MCU: variants seen among roughly 807,000 people sequenced by gnomAD.
The protein encoded by MCU is calcium uniporter protein, mitochondrial.
MCU carries 12 observed loss-of-function variants against 45.2 expected under a neutral mutation model. The observed-to-expected ratio is 0.27, with a 90% confidence interval of 0.17 to 0.43. The LOEUF is 0.43. Ranked by LOEUF, MCU falls within the 20% of genes least tolerant of loss-of-function variation. The pLI is 1.00. For missense variants in MCU, 324 were observed against 436.7 expected, an observed-to-expected ratio of 0.74 and a Z score of 2.30; for synonymous variants, 160 against 165.1, an observed-to-expected ratio of 0.97 and a Z score of 0.24.
chr10:72,873,354 G>A (rs1845575372), intron 6 of MCU, among the ~76,000 whole-genome samples: 1 of 152,122 alleles, frequency 6.6e-6, no homozygotes, highest in Non-Finnish European at 1.5e-5. Flanking sequence ...CTGATGATTA[G>A]TGACTCTGAG....
intron 1 of MCU, among the ~76,000 whole-genome samples, chr10:72,827,972 A>G (rs1461513034): frequency 3.3e-5 from 5 of 152,188 alleles, no homozygotes; most frequent in African/African-American, 4.8e-5. Flanking sequence ...TGATGCTTCA[A>G]CAACTTTACT....
intron 1 of MCU, among the ~76,000 whole-genome samples, chr10:72,824,977 G>GA (rs1253044440): frequency 2.0e-5 from 3 of 152,090 alleles, no homozygotes; most frequent in Non-Finnish European, 4.4e-5. Flanking sequence ...GCTTACCTGA[G>GA]AAAAAAGTTA....
At chr10:72,713,441 G>A (rs535767588) in intron 1 of MCU, among the ~76,000 whole-genome samples, 9 of 152,152 alleles carry the variant, frequency 5.9e-5, no homozygotes, top group East Asian at 3.9e-4. Flanking sequence ...CACCAGGCCC[G>A]GCTAGTTTTA....
rs563483263 is a variant in MCU at position 72,817,545 on chromosome 10, C to T, written c.151-16814C>T. Among the ~76,000 whole-genome samples the T allele has an allele frequency of 1.2e-3, 188 of 152,272 alleles. 1 individual carries two copies. The highest frequency in any genetic ancestry group is 4.4e-3 in the African/African-American group (181 of 41,550). ...TAAGATGACAGTTATTAAGTGGTTACTATAAATGAGCATTAATTAATGCAC... is the reference window on the plus strand; with the variant it reads ...TAAGATGACAGTTATTAAGTGGTTATTATAAATGAGCATTAATTAATGCAC... On this transcript the variant is annotated intron_variant, in intron 1 of 7. Transcript: ENST00000373053.
chr10:72,692,607 G>C lies in MCU; in HGVS notation c.150+306G>C, dbSNP rs979331341. The C allele has an allele frequency of 3.6e-6, 4 of 1,099,158 alleles. No individual in the cohort carries two copies. The East Asian group carries it at 2.4e-4, about 66-fold the overall frequency. The allele number at this position is 1,099,158 out of a possible 1,614,324, so 68.1% of individuals were successfully genotyped here. A position where few individuals can be genotyped will look rare whatever the true frequency, so the allele number is the denominator to read the frequency against. ...CTCTCCCCGACTCGCCCCCAATCGC[G>C]TTCCCTCCCTTCTTCGTTCTTAACA... On this transcript the variant is annotated intron_variant, in intron 1 of 7. Coordinates refer to ENST00000373053, the MANE Select transcript of MCU (RefSeq NM_138357.3).
intron 4 of MCU, among the ~76,000 whole-genome samples, chr10:72,862,133 CA>C (rs1845387206): frequency 1.3e-5 from 2 of 152,140 alleles, no homozygotes; most frequent in East Asian, 3.9e-4. Context: ...AGGTGCCCGC[CA>C]CCACGCCTGG....
chr10:72,762,828 TC>T (rs1564549723), intron 1 of MCU, among the ~76,000 whole-genome samples: 1 of 152,130 alleles, frequency 6.6e-6, no homozygotes, highest in Non-Finnish European at 1.5e-5. Flanking sequence ...GTTTTTTTTT[TC>T]CTGCAGTAAT....
At chr10:72,765,202 G>A (rs1284693525) in intron 1 of MCU, among the ~76,000 whole-genome samples, 1 of 151,966 alleles carries the variant, frequency 6.6e-6, no homozygotes, top group African/African-American at 2.4e-5. Context: ...TGATAGCATA[G>A]TGCAGTTAAT....
In MCU at chr10:72,887,081, A is replaced by G. The variant is rs1845786339; in HGVS notation, c.*1259A>G. On this transcript the variant is annotated 3_prime_UTR_variant, in exon 8 of 8. Transcript: ENST00000373053. ...AGAGTCAAAGGAATCTGTGTCTAAT[A>G]TCCTGTTTTTAACTGCTGTAGGGGC... 6.6e-6 allele frequency: 1 copy of G among 152,338 alleles called. No individual in the cohort carries two copies. Among genetic ancestry groups the G allele is most frequent in the Non-Finnish European group, 1.5e-5 (1 of 68,026 alleles). The allele number at this position is 152,338 out of a possible 1,614,324, so 9.4% of individuals were successfully genotyped here. A position where few individuals can be genotyped will look rare whatever the true frequency, so the allele number is the denominator to read the frequency against.
At chr10:72,708,363 G>A (rs906182310) in intron 1 of MCU, 4 of 152,238 alleles carry the variant, frequency 2.6e-5, no homozygotes, top group Admixed American at 2.6e-4. Context: ...TAAGGTCAGA[G>A]TATTGAAGTA....
chr10:72,866,210 A>G (rs1018047854), intron 4 of MCU, among the ~76,000 whole-genome samples: 3 of 152,138 alleles, frequency 2.0e-5, no homozygotes, highest in African/African-American at 7.2e-5. Flanking sequence ...CGCCCAAGGT[A>G]CCACCACTCT....
At chr10:72,813,858 A>G (rs1294855935) in intron 1 of MCU, among the ~76,000 whole-genome samples, 3 of 152,142 alleles carry the variant, frequency 2.0e-5, no homozygotes, top group African/African-American at 7.2e-5. Context: ...ACAATTTGCA[A>G]ACTATACATA....
At chr10:72,723,653 A>G (rs1306593417) in intron 1 of MCU, among the ~76,000 whole-genome samples, 1 of 152,232 alleles carries the variant, frequency 6.6e-6, no homozygotes, top group Non-Finnish European at 1.5e-5. Context: ...TATACCAAAT[A>G]TTTAACAAAC....
intron 2 of MCU, among the ~76,000 whole-genome samples, chr10:72,857,855 C>T (rs1363638412): frequency 6.6e-6 from 1 of 152,030 alleles, no homozygotes; most frequent in African/African-American, 2.4e-5. Flanking sequence ...TAGAAGATCC[C>T]TTCAATTTAA....
At position 72,714,345 on chromosome 10, in the gene MCU, C is replaced by CTTTTTTTTTTTTTTTT. The variant is rs1160353409; in HGVS notation, c.150+22052_150+22067dup. Among the ~76,000 whole-genome samples the CTTTTTTTTTTTTTTTT allele has an allele frequency of 7.1e-3, 387 of 54,740 alleles. 112 individuals carry two copies. Among genetic ancestry groups the CTTTTTTTTTTTTTTTT allele is most frequent in the Non-Finnish European group, 9.5e-3 (238 of 25,180 alleles). 35.9% of individuals were successfully genotyped at this position (54,740 alleles called of 152,430 possible). A position where few individuals can be genotyped will look rare whatever the true frequency, so the allele number is the denominator to read the frequency against. ...TTACTTCAGTTCCCCCCGCCCTGGT[C>CTTTTTTTTTTTTTTTT]TTTTTTTTTTTTTTTTTTTTTTTAA... is the stretch of plus-strand genomic sequence containing the variant. On this transcript the variant is annotated intron_variant, in intron 1 of 7. Transcript: ENST00000373053.
At chr10:72,839,769 C>T (rs531701873) in intron 2 of MCU, among the ~76,000 whole-genome samples, 17 of 147,276 alleles carry the variant, frequency 1.2e-4, no homozygotes, top group East Asian at 4.0e-4. Flanking sequence ...CTGGCTAACA[C>T]GGTAAAACCC....
At chr10:72,747,890 T>C (rs1843436719) in intron 1 of MCU, among the ~76,000 whole-genome samples, 1 of 151,942 alleles carries the variant, frequency 6.6e-6, no homozygotes, top group South Asian at 2.1e-4. Context: ...TTTAAAATAT[T>C]TTAGTAGCCG....
chr10:72,859,355 C>G lies in MCU; in HGVS notation c.391+8C>G, dbSNP rs760316151. On this transcript the variant is annotated splice_region_variant and intron_variant, in intron 3 of 7. Transcript: ENST00000373053. ...TTGCTATCTATTCACCAGGTATAGT[C>G]ACCATCATTATTAATTACCATCTAT... is the stretch of plus-strand genomic sequence containing the variant. 6.2e-7 allele frequency: 1 copy of G among 1,601,188 alleles called. No individual in the cohort carries two copies. Among genetic ancestry groups the G allele is most frequent in the Non-Finnish European group, 8.5e-7 (1 of 1,173,180 alleles).
intron 4 of MCU, among the ~76,000 whole-genome samples, chr10:72,865,490 A>C (rs989344961): frequency 6.6e-6 from 1 of 152,226 alleles, no homozygotes; most frequent in African/African-American, 2.4e-5. Context: ...CATCTCTCAC[A>C]GAAACTCAAT....
Sources: gnomAD v4.1 joint callset for allele counts (sites outside exome capture counted in the v4.1 genomes callset) on GRCh38, gnomAD v4.1.1 for gene constraint, MANE v1.5 for transcripts, NCBI Gene and HGNC (gene_info 2026-07-23, HGNC 2026-07-21) for gene names.